The following ETV1 variants were observed in gnomAD, a reference collection of about 807,000 sequenced individuals.
ETV1 encodes ETS translocation variant 1.
A neutral mutation model predicts 62.3 loss-of-function variants in ETV1; 27 were observed. That is an observed-to-expected ratio of 0.43 (90% confidence interval 0.32 to 0.60). The LOEUF is 0.60. ETV1 is among the 20% of genes least tolerant of loss of function. ETV1 has a pLI of 0.06. For synonymous variants in ETV1, 222 were observed against 199.6 expected (o/e 1.11, Z -0.94); for missense variants, 605 against 605.8 (o/e 1.00, Z 0.01).
intron 6 of ETV1, among the ~76,000 whole-genome samples, chr7:13,965,871 C>T (rs543329773): frequency 3.3e-5 from 5 of 152,240 alleles, no homozygotes; most frequent in Non-Finnish European, 7.4e-5. Context: ...TTCAAGCCAC[C>T]TGTGCATGAA....
rs1225661539 is a variant in ETV1 at position 13,979,498 on chromosome 7, G to A, written c.182-2018C>T. Among the ~76,000 whole-genome samples, 6 of 151,652 alleles carry A rather than the reference G, an allele frequency of 4.0e-5. No homozygotes were observed. In the South Asian group the frequency reaches 6.3e-4, roughly 16 times the overall value. On this transcript the variant is annotated intron_variant, in intron 5 of 13. Coordinates refer to ENST00000430479, the MANE Select transcript of ETV1 (RefSeq NM_004956.5). The stretch of plus-strand genomic sequence containing the variant: ...CTAAAAGATTCATAAATTACAAGGC[G>A]AAGGGTGTGCTTTCAAGTAAGTCTT...
At chr7:13,916,291 T>A (rs1784143761) in intron 9 of ETV1, among the ~76,000 whole-genome samples, 1 of 152,226 alleles carries the variant, frequency 6.6e-6, no homozygotes, top group African/African-American at 2.4e-5. Context: ...ATGTTAATTT[T>A]TAGATGGTTT....
intron 6 of ETV1, among the ~76,000 whole-genome samples, chr7:13,945,240 G>C (rs1788014296): frequency 6.6e-6 from 1 of 152,134 alleles, no homozygotes; most frequent in African/African-American, 2.4e-5. Context: ...AATCCACTGT[G>C]ATCTGATGTA....
upstream of ETV1, chr7:13,989,772 T>C (rs892009381): frequency 2.5e-6 from 1 of 395,998 alleles, no homozygotes; most frequent in African/African-American, 2.1e-5. Context: ...TTTCACAAGA[T>C]CAGATTTCGG....
At chr7:13,986,264 A>C (rs1782540136) in intron 5 of ETV1, 3 of 1,519,844 alleles carry the variant, frequency 2.0e-6, no homozygotes, top group South Asian at 1.3e-5. Flanking sequence ...GCTGCTCTAA[A>C]GGAAACAGCA....
chr7:13,964,254 G>C (rs899904656), intron 6 of ETV1, among the ~76,000 whole-genome samples: 2 of 152,168 alleles, frequency 1.3e-5, no homozygotes. Flanking sequence ...TAACACTACT[G>C]AGAGGTTTGC....
At chr7:13,927,308 T>G (rs1239287983) in intron 9 of ETV1, among the ~76,000 whole-genome samples, 2 of 151,870 alleles carry the variant, frequency 1.3e-5, no homozygotes, top group Non-Finnish European at 2.9e-5. Context: ...AAAAATCAGC[T>G]GGACATGGTG....
rs571075464 is a variant in ETV1 at position 13,922,231 on chromosome 7, G to T, written c.802+9271C>A. Among the ~76,000 whole-genome samples the T allele has an allele frequency of 5.3e-5, 8 of 152,126 alleles. No individual in the cohort carries two copies. The East Asian group carries it at 1.5e-3, about 29-fold the overall frequency. ...TCTATAACTATATAAGAGGGAGGCG[G>T]GCCTTGAGATAGACTGTTGTGGTTG... On this transcript the variant is annotated intron_variant, in intron 9 of 13. Transcript: ENST00000430479.
intron 6 of ETV1, among the ~76,000 whole-genome samples, chr7:13,946,594 T>G (rs1243467765): frequency 6.6e-6 from 1 of 152,164 alleles, no homozygotes; most frequent in African/African-American, 2.4e-5. Context: ...ACCTATATTT[T>G]AGAAAGAGGG....
At chr7:13,901,824 A>G (rs1782465357) in intron 12 of ETV1, among the ~76,000 whole-genome samples, 2 of 152,206 alleles carry the variant, frequency 1.3e-5, no homozygotes, top group African/African-American at 4.8e-5. Flanking sequence ...TGAGTCCACA[A>G]ACAAAAATCT....
At chr7:13,988,664 C>G (rs1782787840) in intron 3 of ETV1, 2 of 1,585,294 alleles carry the variant, frequency 1.3e-6, no homozygotes, top group African/African-American at 2.8e-5. Context: ...CAAAAAGTGT[C>G]AGCATTTGTC....
chr7:13,961,955 A>G (rs1487242675), intron 6 of ETV1, among the ~76,000 whole-genome samples: 1 of 152,044 alleles, frequency 6.6e-6, no homozygotes, highest in Non-Finnish European at 1.5e-5. Flanking sequence ...CAGTAGATAA[A>G]GCCCACATGT....
chr7:13,946,586 C>T (rs1788188349), intron 6 of ETV1, among the ~76,000 whole-genome samples: 1 of 151,972 alleles, frequency 6.6e-6, no homozygotes, highest in African/African-American at 2.4e-5. Context: ...TTTTTTCTAC[C>T]TATATTTTAG....
chr7:13,899,889 G>C (rs923518094), intron 13 of ETV1, among the ~76,000 whole-genome samples: 1 of 152,118 alleles, frequency 6.6e-6, no homozygotes, highest in African/African-American at 2.4e-5. Flanking sequence ...TAGCCCCTTG[G>C]AGGCCAAGGC....
At chr7:13,924,912 C>G (rs1178046777) in intron 9 of ETV1, among the ~76,000 whole-genome samples, 1 of 150,718 alleles carries the variant, frequency 6.6e-6, no homozygotes, top group Admixed American at 6.6e-5. Context: ...TTTAAAATAG[C>G]ACGAACAACA....
rs554581007 is a variant in ETV1, at chr7:13,891,241, G to C, written c.*4625C>G. ...CGACAGTCCAATATTTTCAGTTTCTGGGCTTTTATTTTAGATTTAAATTTT... is the reference window on the plus strand; with the variant it reads ...CGACAGTCCAATATTTTCAGTTTCTCGGCTTTTATTTTAGATTTAAATTTT... On this transcript the variant is annotated 3_prime_UTR_variant, in exon 14 of 14. Coordinates refer to ENST00000430479, the MANE Select transcript of ETV1 (RefSeq NM_004956.5). 4.0e-5 allele frequency: 9 copies of C among 222,622 alleles called. No homozygotes were observed. The highest frequency in any genetic ancestry group is 2.0e-4 in the African/African-American group (9 of 44,888). 13.8% of individuals were successfully genotyped at this position (222,622 alleles called of 1,614,324 possible).
intron 5 of ETV1, chr7:13,985,988 C>G: frequency 1.4e-6 from 1 of 732,914 alleles, no homozygotes; most frequent in Non-Finnish European, 2.2e-6. Flanking sequence ...CCTAATAAAA[C>G]TGACAAAATA....
At position 13,989,156 on chromosome 7, in the gene ETV1, T is replaced by A; in HGVS notation, c.-87-17A>T. ...TCTATCAACCTAGAGGGGAACAAGA[T>A]GGCTTTTAGGCTTAAAAAAAAATCA... On this transcript the variant is annotated splice_polypyrimidine_tract_variant and intron_variant, in intron 2 of 13. Transcript: ENST00000430479. The A allele has an allele frequency of 1.0e-6, 1 of 969,894 alleles. No individual in the cohort carries two copies. The highest frequency in any genetic ancestry group is 1.5e-5 in the South Asian group (1 of 66,662). The allele number at this position is 969,894 out of a possible 1,614,324, so 60.1% of individuals were successfully genotyped here.
At chr7:13,951,554 C>A (rs1216381445) in intron 6 of ETV1, among the ~76,000 whole-genome samples, 5 of 152,136 alleles carry the variant, frequency 3.3e-5, no homozygotes, top group Admixed American at 1.3e-4. Context: ...AACCCAGAAT[C>A]ATCAAGTGTT....
Sources: gnomAD v4.1 joint callset for allele counts (sites outside exome capture counted in the v4.1 genomes callset) on GRCh38, gnomAD v4.1.1 for gene constraint, MANE v1.5 for transcripts, NCBI Gene and HGNC (gene_info 2026-07-23, HGNC 2026-07-21) for gene names.